The following RNF217 variants were observed in gnomAD, a reference collection of about 807,000 sequenced individuals.
RNF217 encodes E3 ubiquitin-protein ligase RNF217.
A neutral mutation model predicts 57.8 loss-of-function variants in RNF217; 31 were observed. The ratio of observed to expected loss-of-function variants is 0.54; its 90% CI spans 0.40 to 0.72. The LOEUF (loss-of-function observed/expected upper bound fraction) is 0.72. Ranked by LOEUF, RNF217 falls within the 30% of genes least tolerant of loss-of-function variation. The probability of loss-of-function intolerance (pLI) is 0.00; values close to 1 mark genes in which losing one functional copy is unlikely to be tolerated. For missense variants in RNF217, 696 were observed against 708.3 expected (o/e 0.98, Z 0.20); for synonymous variants, 313 against 294.0 (o/e 1.06, Z -0.66).
chr6:125,038,824 T>G (rs1047564900), intron 1 of RNF217, among the ~76,000 whole-genome samples: 1 of 152,114 alleles, frequency 6.6e-6, no homozygotes, highest in Non-Finnish European at 1.5e-5. Flanking sequence ...ATTAATGATC[T>G]TTTTTTCTAA....
At chr6:125,049,636 A>G (rs772192120) in intron 2 of RNF217, among the ~76,000 whole-genome samples, 1 of 148,860 alleles carries the variant, frequency 6.7e-6, no homozygotes. Context: ...TAAGAATTAA[A>G]TGAAATCACA....
intron 3 of RNF217, among the ~76,000 whole-genome samples, chr6:125,064,943 A>G (rs1787878423): frequency 6.6e-6 from 1 of 152,046 alleles, no homozygotes; most frequent in Non-Finnish European, 1.5e-5. Context: ...TCTGAATATA[A>G]CCAATCTCAT....
At position 125,085,872 on chromosome 6, in the gene RNF217, T is replaced by C. The variant is rs1313255498; in HGVS notation, c.*2935T>C. The C allele has an allele frequency of 6.6e-6, 1 of 151,930 alleles. No individual in the cohort carries two copies. Among genetic ancestry groups the C allele is most frequent in the East Asian group, 1.9e-4 (1 of 5,198 alleles). 9.4% of individuals were successfully genotyped at this position (151,930 alleles called of 1,614,324 possible). On this transcript the variant is annotated 3_prime_UTR_variant, in exon 6 of 6. Coordinates refer to ENST00000521654, the MANE Select transcript of RNF217 (RefSeq NM_001286398.3). ...CTTACTGTGCTGTGACTCTTTGTCA[T>C]TTTATTATATATTAATAGATACCTT...
intron 1 of RNF217, among the ~76,000 whole-genome samples, chr6:125,040,477 A>G (rs1786834874): frequency 6.6e-6 from 1 of 152,216 alleles, no homozygotes; most frequent in Non-Finnish European, 1.5e-5. Context: ...AATGCCCAGG[A>G]CCAGATGGAT....
At position 124,971,776 on chromosome 6, in the gene RNF217, G is replaced by T. The variant is rs747618046; in HGVS notation, c.882+8350G>T. Among the ~76,000 whole-genome samples, 66 of 152,304 alleles carry T rather than the reference G, an allele frequency of 4.3e-4. 2 individuals are homozygous for T. Among genetic ancestry groups the T allele is most frequent in the Middle Eastern group, 3.4e-3 (1 of 294 alleles). On this transcript the variant is annotated intron_variant, in intron 1 of 5. Transcript: ENST00000521654. ...GCCGATTTACTGTTAAGTTTTAATG[G>T]CAACATACTCTCCTGTTTTCTTCCT... is the stretch of plus-strand genomic sequence containing the variant.
Position 125,050,473 on chromosome 6 carries a change from A to C in RNF217, c.1116+5029A>C, listed in dbSNP as rs116204911. On this transcript the variant is annotated intron_variant, in intron 2 of 5. Transcript: ENST00000521654. The stretch of plus-strand genomic sequence containing the variant: ...CTCTAGCTGTCTTTTTTTCTTTCTT[A>C]TAAACCCTCTGAGTAGAAATTACAT... 5.5e-3 allele frequency among the ~76,000 whole-genome samples: 829 copies of C among 151,972 alleles called. 5 individuals are homozygous for C. Among genetic ancestry groups the C allele is most frequent in the African/African-American group, 0.019 (801 of 41,510 alleles).
At chr6:125,081,403 A>G (rs775618048) in intron 4 of RNF217, 33 bp from the exon 5 acceptor site, 1 of 1,544,902 alleles carries the variant, frequency 6.5e-7, no homozygotes. Context: ...TAGTTTTAAG[A>G]CTCCTTAAAT....
At chr6:125,001,036 C>T (rs1442193924) in intron 1 of RNF217, among the ~76,000 whole-genome samples, 1 of 152,028 alleles carries the variant, frequency 6.6e-6, no homozygotes, top group Non-Finnish European at 1.5e-5. Flanking sequence ...ATCACCAGCT[C>T]AAAGATTATG....
At chr6:124,972,166 G>A (rs1783788909) in intron 1 of RNF217, among the ~76,000 whole-genome samples, 1 of 152,090 alleles carries the variant, frequency 6.6e-6, no homozygotes, top group African/African-American at 2.4e-5. Flanking sequence ...ATTGTACTCA[G>A]GTCAGAAACC....
At chr6:125,060,516 C>T (rs1787688443) in intron 3 of RNF217, among the ~76,000 whole-genome samples, 1 of 152,128 alleles carries the variant, frequency 6.6e-6, no homozygotes, top group African/African-American at 2.4e-5. Context: ...ACGATCTCGG[C>T]TCACTGCAAC....
At chr6:125,022,578 C>A (rs1785886525) in intron 1 of RNF217, among the ~76,000 whole-genome samples, 1 of 152,138 alleles carries the variant, frequency 6.6e-6, no homozygotes, top group Non-Finnish European at 1.5e-5. Flanking sequence ...TTAAGGGAGG[C>A]TGGGCTTCTG....
intron 3 of RNF217, among the ~76,000 whole-genome samples, chr6:125,060,356 T>TACACACACACAC (rs71706851): frequency 4.7e-5 from 7 of 150,128 alleles, no homozygotes; most frequent in African/African-American, 1.7e-4. Flanking sequence ...TATATGTGTA[T>TACACACACACAC]ACACACACAC....
At chr6:125,018,934 C>T (rs1785716880) in intron 1 of RNF217, among the ~76,000 whole-genome samples, 2 of 152,096 alleles carry the variant, frequency 1.3e-5, no homozygotes, top group Admixed American at 6.5e-5. Context: ...TCCATTTGGC[C>T]ACATGTTCCA....
At chr6:124,976,642 G>A (rs573873594) in intron 1 of RNF217, among the ~76,000 whole-genome samples, 11 of 151,810 alleles carry the variant, frequency 7.2e-5, no homozygotes, top group African/African-American at 2.4e-4. Flanking sequence ...TGGGACTACA[G>A]GTGTGTGCCA....
chr6:125,032,846 A>C (rs1156553136), intron 1 of RNF217, among the ~76,000 whole-genome samples: 1 of 152,200 alleles, frequency 6.6e-6, no homozygotes, highest in African/African-American at 2.4e-5. Flanking sequence ...AGATGATTGT[A>C]GAAAAGTACA....
At position 124,963,314 on chromosome 6, in the gene RNF217, C is replaced by T; in HGVS notation, c.770C>T (p.Pro257Leu). The T allele has an allele frequency of 6.5e-7, 1 of 1,535,580 alleles. No homozygotes were observed. Among genetic ancestry groups the T allele is most frequent in the Non-Finnish European group, 8.7e-7 (1 of 1,146,666 alleles). Reference sequence around the variant, plus strand: ...GGCGGTGTAGGGGATCCCTATGTGCCCCTCATGGTGCTGATGTGCCGGGTG... The same window carrying T: ...GGCGGTGTAGGGGATCCCTATGTGCTCCTCATGGTGCTGATGTGCCGGGTG... ...GLGGVGDPYV[P>L]LMVLMCRVCL... is the part of the protein sequence containing the mutation. The change falls in exon 1 of 6, where the codon CCC becomes CTC. Residue 257 changes from proline to leucine, a missense_variant. Pro to Leu is a moderately conservative substitution (Grantham distance 98). Transcript: ENST00000521654.
At chr6:124,994,592 T>A (rs1279451037) in intron 1 of RNF217, among the ~76,000 whole-genome samples, 2 of 151,898 alleles carry the variant, frequency 1.3e-5, no homozygotes, top group African/African-American at 4.8e-5. Flanking sequence ...GCTCCCAAAT[T>A]GGAGAAAAAA....
rs1036243266 is a variant in RNF217 at position 125,090,928 on chromosome 6, AAG to A, written c.*7996_*7997del. 14 of 152,142 alleles carry A rather than the reference AAG, an allele frequency of 9.2e-5. No individual in the cohort carries two copies. The highest frequency in any genetic ancestry group is 2.1e-4 in the South Asian group (1 of 4,826). The allele number at this position is 152,142 out of a possible 1,614,324, so 9.4% of individuals were successfully genotyped here. On this transcript the variant is annotated 3_prime_UTR_variant, in exon 6 of 6. Coordinates refer to ENST00000521654, the MANE Select transcript of RNF217 (RefSeq NM_001286398.3). ...AAATCATTCTGATTATATTTTATGA[AAG>A]AGAGGGGTAGAGTAAATTTTTTAAT...
chr6:124,975,410 T>C (rs940374936), intron 1 of RNF217, among the ~76,000 whole-genome samples: 1 of 152,216 alleles, frequency 6.6e-6, no homozygotes, highest in African/African-American at 2.4e-5. Context: ...GCCCATCTTT[T>C]TGAAAGTAAT....
Sources: allele counts gnomAD v4.1 joint callset (sites outside exome capture counted in the v4.1 genomes callset), GRCh38; gene constraint gnomAD v4.1.1; transcripts MANE v1.5; gene names NCBI Gene and HGNC (gene_info 2026-07-23, HGNC 2026-07-21).